The following RASEF variants were observed in gnomAD, a reference collection of about 807,000 sequenced individuals.
The protein encoded by RASEF is RAS and EF-hand domain containing, also known as ras and EF-hand domain-containing protein.
A neutral mutation model predicts 90.1 loss-of-function variants in RASEF; 68 were observed. The observed-to-expected ratio is 0.75, with a 90% CI of 0.62 to 0.92. RASEF has a LOEUF of 0.92. Among genes scored for constraint, RASEF ranks in the 40% least tolerant of loss-of-function variants. The probability of loss-of-function intolerance (pLI) is 0.00; values close to 1 mark genes in which losing one functional copy is unlikely to be tolerated. For missense variants in RASEF, 949 were observed against 937.2 expected (o/e 1.01, Z -0.16); for synonymous variants, 331 against 345.2 (o/e 0.96, Z 0.46).
chr9:83,152,735 T>TAC, the RASEF span, among the ~76,000 whole-genome samples: 38,544 of 150,704 alleles, frequency 0.26, 5,035 homozygotes, highest in Non-Finnish European at 0.3. Flanking sequence ...CAGACACACA[T>TAC]ACACACACAC....
chr9:83,183,262 G>GTATATA, the RASEF span, among the ~76,000 whole-genome samples: 7 of 150,156 alleles, frequency 4.7e-5, no homozygotes, highest in South Asian at 8.4e-4. Flanking sequence ...TTGTGTGTGT[G>GTATATA]TATATATATA....
the RASEF span, among the ~76,000 whole-genome samples, chr9:83,139,677 A>T: frequency 2.5e-3 from 386 of 152,240 alleles, 1 homozygote; most frequent in African/African-American, 9.0e-3. Flanking sequence ...AAGAAAATCC[A>T]TATATAAGTG....
chr9:83,184,131 T>C, the RASEF span, among the ~76,000 whole-genome samples: 1 of 151,958 alleles, frequency 6.6e-6, no homozygotes, highest in Non-Finnish European at 1.5e-5. Context: ...CACAAGTCAA[T>C]GGGGGAAGGA....
At chr9:83,055,529 T>C in intron 1 of RASEF, 1 of 704,544 alleles carries the variant, frequency 1.4e-6, no homozygotes, top group Non-Finnish European at 2.6e-6. Flanking sequence ...CTGGGAGCTG[T>C]AGACCGGAGC....
intron 1 of RASEF, chr9:83,048,566 AAATGAATGAATGAATG>A: frequency 1.0e-6 from 1 of 981,290 alleles, no homozygotes; most frequent in Non-Finnish European, 1.2e-6. Context: ...ATGAATGAGT[AAATGAATGAATGAATG>A]AATGAATGAA....
chr9:83,049,783 T>C (rs1424965792), intron 1 of RASEF, among the ~76,000 whole-genome samples: 26 of 100,994 alleles, frequency 2.6e-4, no homozygotes, highest in South Asian at 3.8e-4. Context: ...TGAGTGAGAA[T>C]ATGCGGTGTT....
At chr9:83,208,589 T>C in the RASEF span, among the ~76,000 whole-genome samples, 2 of 152,180 alleles carry the variant, frequency 1.3e-5, no homozygotes, top group Non-Finnish European at 2.9e-5. Context: ...TGTTCTGTCA[T>C]ATTGTTGTTC....
intron 16 of RASEF, among the ~76,000 whole-genome samples, chr9:82,984,092 A>C (rs1311855680): frequency 6.6e-6 from 1 of 152,242 alleles, no homozygotes; most frequent in Non-Finnish European, 1.5e-5. Flanking sequence ...TCTCCAGCAG[A>C]GCCACACTGC....
At chr9:83,141,571 A>C in the RASEF span, among the ~76,000 whole-genome samples, 1 of 152,222 alleles carries the variant, frequency 6.6e-6, no homozygotes. Flanking sequence ...AACTTCAAGT[A>C]AAAACTATGG....
At chr9:83,133,173 A>G in the RASEF span, among the ~76,000 whole-genome samples, 123 of 152,302 alleles carry the variant, frequency 8.1e-4, 1 homozygote, top group Middle Eastern at 3.4e-3. Flanking sequence ...GAGGAATGAA[A>G]GAATTATGCA....
the RASEF span, among the ~76,000 whole-genome samples, chr9:83,216,771 G>A: frequency 2.0e-5 from 3 of 152,122 alleles, no homozygotes; most frequent in East Asian, 3.9e-4. Context: ...TACAATGGGG[G>A]TAAAGGCATT....
chr9:83,025,410 G>C (rs139010155), intron 2 of RASEF, among the ~76,000 whole-genome samples: 2 of 152,218 alleles, frequency 1.3e-5, no homozygotes, highest in African/African-American at 4.8e-5. Context: ...TAAGTAACCT[G>C]CTCACAAAGT....
the RASEF span, among the ~76,000 whole-genome samples, chr9:83,117,895 G>A: frequency 6.6e-6 from 1 of 152,204 alleles, no homozygotes; most frequent in South Asian, 2.1e-4. Flanking sequence ...ATGTGCTGCA[G>A]AACTGGAGGA....
At chr9:83,000,596 T>C (rs1215156925) in intron 10 of RASEF, 26 bp from the exon 11 acceptor site, 1 of 1,570,750 alleles carries the variant, frequency 6.4e-7, no homozygotes, top group East Asian at 2.2e-5. Flanking sequence ...TGTCAGCAGT[T>C]AAATTAAAAA....
chr9:83,122,711 AT>A, the RASEF span, among the ~76,000 whole-genome samples: 1 of 152,194 alleles, frequency 6.6e-6, no homozygotes, highest in African/African-American at 2.4e-5. Context: ...TGTTTTATGT[AT>A]TTTATCATCT....
chr9:83,131,989 G>A, the RASEF span, among the ~76,000 whole-genome samples: 1 of 152,064 alleles, frequency 6.6e-6, no homozygotes, highest in Non-Finnish European at 1.5e-5. Flanking sequence ...AGAGGGTTTG[G>A]TGATAGAACA....
chr9:83,072,138 C>T, the RASEF span, among the ~76,000 whole-genome samples: 1 of 152,168 alleles, frequency 6.6e-6, no homozygotes, highest in East Asian at 1.9e-4. Context: ...CCCTATTGAC[C>T]AGGTATTCTC....
In RASEF at chr9:83,062,503, G is replaced by C; in HGVS notation, c.365C>G (p.Ala122Gly). The change falls in exon 1 of 17, where the codon GCG (alanine) becomes GGG (glycine). Residue 122 changes from alanine (A) to glycine (G), a missense_variant. Physicochemically the swap from Ala to Gly is moderately conservative, Grantham distance 60. Transcript: ENST00000376447. ...ATCCTGCCAAGCCCGGCCGGGACTC[G>C]CCGGGCCGCACGAGGTGGCCAGCGC... The part of the protein sequence containing the change: ...AAALATSCGP[A>G]SPGRAWQDFQ... The C allele has an allele frequency of 6.2e-7, 1 of 1,611,166 alleles. No homozygotes were observed. The highest frequency in any genetic ancestry group is 8.5e-7 in the Non-Finnish European group (1 of 1,179,160).
chr9:83,106,769 C>T, the RASEF span, among the ~76,000 whole-genome samples: 1 of 107,356 alleles, frequency 9.3e-6, no homozygotes, highest in Non-Finnish European at 1.9e-5. Context: ...CCCATTGTGA[C>T]CATCCTTCTT....
Sources: allele counts gnomAD v4.1 joint callset (sites outside exome capture counted in the v4.1 genomes callset), GRCh38; gene constraint gnomAD v4.1.1; transcripts MANE v1.5; gene names NCBI Gene and HGNC (gene_info 2026-07-23, HGNC 2026-07-21).